Variants in ZNF585A observed in about 807,000 individuals in gnomAD.
ZNF585A encodes zinc finger protein 585A.
A neutral mutation model predicts 14.9 loss-of-function variants in ZNF585A; 9 were observed. That is an observed-to-expected ratio of 0.60 (90% CI 0.36 to 1.05). The LOEUF (loss-of-function observed/expected upper bound fraction) is 1.05, where lower values mean the gene tolerates loss of function less well. ZNF585A is among the 50% of genes least tolerant of loss of function. The probability of loss-of-function intolerance (pLI) is 0.01; values close to 1 mark genes in which losing one functional copy is unlikely to be tolerated. For synonymous variants in ZNF585A, 276 were observed against 319.9 expected, an observed-to-expected ratio of 0.86 and a Z score of 1.46; for missense variants, 726 against 926.4, an observed-to-expected ratio of 0.78 and a Z score of 2.81.
At chr19:37,168,281 G>A (rs531928851) in intron 2 of ZNF585A, among the ~76,000 whole-genome samples, 19 of 152,152 alleles carry the variant, frequency 1.2e-4, no homozygotes, top group African/African-American at 4.1e-4. Context: ...GCCCCTGACC[G>A]CTGAGAGTTA....
intron 2 of ZNF585A, among the ~76,000 whole-genome samples, chr19:37,169,435 T>TAA (rs749236930): frequency 2.1e-5 from 2 of 96,448 alleles, no homozygotes; most frequent in African/African-American, 4.0e-5. Context: ...AACAGAAATG[T>TAA]AAAAAAAAAA....
chr19:37,160,942 A>T (rs915781406), intron 2 of ZNF585A, among the ~76,000 whole-genome samples: 25 of 152,164 alleles, frequency 1.6e-4, no homozygotes, highest in African/African-American at 5.8e-4. Context: ...ATCATCGGTC[A>T]CTGCAGCCTC....
In ZNF585A at chr19:37,154,030, G is replaced by A. The variant is rs768332981; in HGVS notation, c.293-424C>T. On this transcript the variant is annotated intron_variant, in intron 4 of 4. Transcript: ENST00000292841. ...CTATAAGGTCTGGAATCTAAACTCC[G>A]CTCAAATGAGAAACAGGTGATTTTA... is the stretch of plus-strand genomic sequence containing the variant. 4.6e-5 allele frequency among the ~76,000 whole-genome samples: 7 copies of A among 152,266 alleles called. No individual in the cohort carries two copies. The East Asian group carries it at 1.2e-3, about 25-fold the overall frequency.
In ZNF585A at chr19:37,152,240, G is replaced by A. The variant is rs113590010; in HGVS notation, c.1659C>T (p.His553=). Residue 553 remains histidine (H), a synonymous_variant, in exon 5 of 5, where the codon CAC becomes CAT. Transcript: ENST00000292841. ...IHTGERQYEC[H]ECGKAFNQKS... ...TCTGGTTGAAGGCTTTCCCACATTCGTGGCATTCATACTGTCTCTCTCCAG... is the reference window on the plus strand; with the variant it reads ...TCTGGTTGAAGGCTTTCCCACATTCATGGCATTCATACTGTCTCTCTCCAG... 209 of 1,613,808 alleles carry A rather than the reference G, an allele frequency of 1.3e-4. 2 individuals carry two copies. In the African/African-American group the frequency reaches 1.6e-3, roughly 12 times the overall value.
In ZNF585A at chr19:37,153,564, C is replaced by A; in HGVS notation, c.335G>T (p.Ser112Ile). The A allele has an allele frequency of 6.2e-7, 1 of 1,613,774 alleles. No homozygotes were observed. The highest frequency in any genetic ancestry group is 8.5e-7 in the Non-Finnish European group (1 of 1,179,948). ...AGGTTGAGAGGATACTTGTTTATAA[C>A]TGAGGATTTTTCTACATTGATTATG... is the stretch of plus-strand genomic sequence containing the variant. ...WDHNQCRKILSYKQVSSQPQK... is the reference protein window; with the variant it reads ...WDHNQCRKILIYKQVSSQPQK... The change falls in exon 5 of 5, where the codon AGT becomes ATT. Residue 112 changes from serine (S) to isoleucine (I), a missense_variant. Physicochemically the swap from Ser to Ile is moderately radical, Grantham distance 142. This residue lies in a region of ZNF585A where 483 missense variants were observed against 542.8 expected (regional missense o/e 0.89). Transcript: ENST00000292841.
At position 37,168,591 on chromosome 19, in the gene ZNF585A, A is replaced by G. The variant is rs534377731; in HGVS notation, c.72+1248T>C. On this transcript the variant is annotated intron_variant, in intron 2 of 4. Transcript: ENST00000292841. ...TAGCTTTTGCTTCAATCTACCCTTC[A>G]TATTTTCTAGGTAAAAATGATTAAG... Among the ~76,000 whole-genome samples the G allele has an allele frequency of 1.1e-3, 168 of 152,318 alleles. 1 individual carries two copies. The highest frequency in any genetic ancestry group is 1.7e-3 in the Non-Finnish European group (114 of 68,026).
At chr19:37,159,508 C>T (rs1424132009) in intron 2 of ZNF585A, among the ~76,000 whole-genome samples, 2 of 151,756 alleles carry the variant, frequency 1.3e-5, no homozygotes, top group East Asian at 3.9e-4. Context: ...ACTTGAATAC[C>T]CCTCCCTCAC....
intron 4 of ZNF585A, 37 bp from the exon 5 acceptor site, chr19:37,153,643 T>C: frequency 6.9e-7 from 1 of 1,445,450 alleles, no homozygotes; most frequent in Non-Finnish European, 9.4e-7. Flanking sequence ...TAGGAAGACA[T>C]TTTATCATTT....
intron 2 of ZNF585A, among the ~76,000 whole-genome samples, chr19:37,160,056 G>C (rs1404261513): frequency 1.3e-5 from 2 of 152,148 alleles, no homozygotes; most frequent in African/African-American, 4.8e-5. Context: ...AAAGAGGCCA[G>C]ACATGGTGGC....
chr19:37,156,123 A>G, intron 3 of ZNF585A, 106 bp downstream of exon 3: 1 of 1,561,302 alleles, frequency 6.4e-7, no homozygotes. Flanking sequence ...TAGACAAATC[A>G]AGAACAAAAT....
rs1483267512 is a variant in ZNF585A at position 37,153,005 on chromosome 19, A to G, written c.894T>C (p.Tyr298=). The G allele has an allele frequency of 1.2e-6, 2 of 1,614,210 alleles. No individual in the cohort carries two copies. Among genetic ancestry groups the G allele is most frequent in the East Asian group, 2.2e-5 (1 of 44,888 alleles). Residue 298 remains tyrosine (Y), a synonymous_variant, in exon 5 of 5, where the codon TAT becomes TAC. Transcript: ENST00000292841. ...HRRIHTGEKP[Y]ECSNCGKSFI... Reference sequence around the variant, plus strand: ...AGGATTTGCCACAGTTACTGCACTCATATGGTTTTTCTCCAGTATGAATTC... The same window carrying G: ...AGGATTTGCCACAGTTACTGCACTCGTATGGTTTTTCTCCAGTATGAATTC...
rs59039152 is a variant in ZNF585A, at chr19:37,167,589, T to TTTTTATTTTATTTTATTTTA, written c.72+2230_72+2249dup. On this transcript the variant is annotated intron_variant, in intron 2 of 4. Transcript: ENST00000292841. Reference sequence around the variant, plus strand: ...TTGTGTAAGAGCCTTTTACTTTTTATTTTTATTTTATTTTATTTTATTTTA... The same window carrying TTTTTATTTTATTTTATTTTA: ...TTGTGTAAGAGCCTTTTACTTTTTATTTTTATTTTATTTTATTTTATTTTATTTTATTTTATTTTATTTTA... Among the ~76,000 whole-genome samples the TTTTTATTTTATTTTATTTTA allele has an allele frequency of 2.5e-3, 354 of 144,160 alleles. 2 individuals are homozygous for TTTTTATTTTATTTTATTTTA. Among genetic ancestry groups the TTTTTATTTTATTTTATTTTA allele is most frequent in the African/African-American group, 7.6e-3 (287 of 37,550 alleles). 94.6% of individuals were successfully genotyped at this position (144,160 alleles called of 152,430 possible). A position where few individuals can be genotyped will look rare whatever the true frequency, so the allele number is the denominator to read the frequency against.
intron 2 of ZNF585A, among the ~76,000 whole-genome samples, chr19:37,162,127 T>C (rs891571663): frequency 1.3e-5 from 2 of 152,234 alleles, no homozygotes; most frequent in African/African-American, 2.4e-5. Flanking sequence ...TTTCACCATG[T>C]TGGCAAGGCT....
At chr19:37,168,266 A>G (rs1007055034) in intron 2 of ZNF585A, among the ~76,000 whole-genome samples, 1 of 152,174 alleles carries the variant, frequency 6.6e-6, no homozygotes. Flanking sequence ...ATGAGGATAA[A>G]AGCAGCCCCT....
rs751318956 is a variant in ZNF585A, at chr19:37,153,046, A to G, written c.853T>C (p.Leu285=). ...CGQAFIQKTH[L]IAHRRIHTGE... is the part of the protein sequence containing the mutation. ...GTATGAATTCTTCGGTGTGCAATCA[A>G]ATGGGTCTTCTGGATGAAGGCCTGT... Residue 285 remains leucine (L), a synonymous_variant, in exon 5 of 5, where the codon TTG becomes CTG. Transcript: ENST00000292841. 9.9e-6 allele frequency: 16 copies of G among 1,614,200 alleles called. No homozygotes were observed. The highest frequency in any genetic ancestry group is 1.4e-5 in the Non-Finnish European group (16 of 1,180,026).
chr19:37,156,914 A>T (rs1469311807), intron 2 of ZNF585A, among the ~76,000 whole-genome samples: 9 of 152,104 alleles, frequency 5.9e-5, no homozygotes, highest in Admixed American at 5.9e-4. Flanking sequence ...CTGGTCTTGA[A>T]CTGCTGACCT....
rs566231505 is a variant in ZNF585A, at chr19:37,147,168, G to T, written c.*4421C>A. 1 of 152,196 alleles carries T rather than the reference G, an allele frequency of 6.6e-6. No individual in the cohort carries two copies. The highest frequency in any genetic ancestry group is 2.4e-5 in the African/African-American group (1 of 41,412). The allele number at this position is 152,196 out of a possible 1,614,324, so 9.4% of individuals were successfully genotyped here. On this transcript the variant is annotated 3_prime_UTR_variant, in exon 5 of 5. Transcript: ENST00000292841. ...ACCAAAAAAAGGAATATTGAATCAGGTCAGATAGTAATAGTATTTGCAATG... is the reference window on the plus strand; with the variant it reads ...ACCAAAAAAAGGAATATTGAATCAGTTCAGATAGTAATAGTATTTGCAATG...
chr19:37,168,945 T>C (rs1346379190), intron 2 of ZNF585A, among the ~76,000 whole-genome samples: 1 of 152,236 alleles, frequency 6.6e-6, no homozygotes, highest in African/African-American at 2.4e-5. Flanking sequence ...ATCGGTCCTG[T>C]ATGTTGAGAA....
chr19:37,150,505 A>G lies in ZNF585A; in HGVS notation c.*1084T>C, dbSNP rs1971809949. 6.6e-6 allele frequency: 1 copy of G among 152,142 alleles called. No individual in the cohort carries two copies. The allele number at this position is 152,142 out of a possible 1,614,324, so 9.4% of individuals were successfully genotyped here. On this transcript the variant is annotated 3_prime_UTR_variant, in exon 5 of 5. Coordinates refer to ENST00000292841, the MANE Select transcript of ZNF585A (RefSeq NM_001288800.2). ...TCACAAGTGGGAAGAGGTAACAGAC[A>G]CCATGCTGGAGTGAGGTGATTGTAA...
Sources: gnomAD v4.1 joint callset for allele counts (sites outside exome capture counted in the v4.1 genomes callset) on GRCh38, gnomAD v4.1.1 for gene constraint, gnomAD v4.1.1 regional missense constraint, MANE v1.5 for transcripts, NCBI Gene and HGNC (gene_info 2026-07-23, HGNC 2026-07-21) for gene names.